SDK1: variants seen among roughly 807,000 people sequenced by gnomAD.
The protein encoded by SDK1 is sidekick cell adhesion molecule 1.
In SDK1, 157 loss-of-function variants were observed where a neutral mutation model predicts 245.5. The observed-to-expected ratio is 0.64, with a 90% CI of 0.56 to 0.73. SDK1 has a LOEUF of 0.73. SDK1 is among the 30% of genes least tolerant of loss of function. The pLI is 0.00. For missense variants in SDK1, 3,583 were observed against 3,002.3 expected (o/e 1.19, Z -4.52); for synonymous variants, 1,647 against 1,278.5 (o/e 1.29, Z -6.15).
At chr7:3,650,825 G>GT (rs55674495) in intron 4 of SDK1, among the ~76,000 whole-genome samples, 5,506 of 143,926 alleles carry the variant, frequency 0.038, 135 homozygotes, top group Middle Eastern at 0.087. Flanking sequence ...GTGGGGATTG[G>GT]TTTTTTTTTT....
At chr7:3,784,931 A>G (rs1780853284) in intron 4 of SDK1, among the ~76,000 whole-genome samples, 1 of 152,252 alleles carries the variant, frequency 6.6e-6, no homozygotes, top group Non-Finnish European at 1.5e-5. Context: ...TATTCACAGT[A>G]GCTGAGCTGT....
chr7:3,792,671 A>T (rs1486395539), intron 4 of SDK1, among the ~76,000 whole-genome samples: 1 of 137,912 alleles, frequency 7.3e-6, no homozygotes, highest in African/African-American at 2.8e-5. Context: ...TCTAACTACT[A>T]CCCCCTCCTC....
chr7:3,987,271 T>G lies in SDK1; in HGVS notation c.2080T>G (p.Phe694Val). 1 of 1,614,152 alleles carries G rather than the reference T, an allele frequency of 6.2e-7. No individual in the cohort carries two copies. Among genetic ancestry groups the G allele is most frequent in the South Asian group, 1.1e-5 (1 of 91,072 alleles). The change falls in exon 14 of 45, where the codon TTT (phenylalanine) becomes GTT (valine). Residue 694 changes from phenylalanine to valine, a missense_variant. Phe to Val is a conservative substitution (Grantham distance 50). Transcript: ENST00000404826. ...CGTGGTGCTCTCTTGGGTCCGGCCC[T>G]TTGATGGAAACAGTCCTATTCTTTA... Reference protein sequence around the residue: ...HAVVLSWVRPFDGNSPILYYI... With the variant: ...HAVVLSWVRPVDGNSPILYYI...
chr7:3,340,359 G>T (rs1780313830), intron 1 of SDK1, among the ~76,000 whole-genome samples: 1 of 152,172 alleles, frequency 6.6e-6, no homozygotes, highest in South Asian at 2.1e-4. Flanking sequence ...AGTAATTGTT[G>T]CTAGAAAATG....
At chr7:3,713,353 A>G (rs902009782) in intron 4 of SDK1, among the ~76,000 whole-genome samples, 3 of 152,206 alleles carry the variant, frequency 2.0e-5, no homozygotes, top group African/African-American at 7.2e-5. Context: ...CTATTCCTCA[A>G]GAAAAGAAAG....
chr7:3,642,176 A>G, intron 4 of SDK1, 71 bp downstream of exon 4: 2 of 1,450,234 alleles, frequency 1.4e-6, no homozygotes, highest in Non-Finnish European at 1.9e-6. Flanking sequence ...CTACACAGTA[A>G]GTGTACCAAT....
intron 32 of SDK1, among the ~76,000 whole-genome samples, chr7:4,169,421 C>T (rs975701156): frequency 6.6e-6 from 1 of 152,216 alleles, no homozygotes; most frequent in African/African-American, 2.4e-5. Context: ...AGTGGGGCTA[C>T]ACCAGGCACT....
chr7:3,966,296 G>C lies in SDK1; in HGVS notation c.1430-1022G>C, dbSNP rs371443630. Among the ~76,000 whole-genome samples, 11 of 152,276 alleles carry C rather than the reference G, an allele frequency of 7.2e-5. 1 individual carries two copies. In the East Asian group the frequency reaches 2.1e-3, roughly 29 times the overall value. On this transcript the variant is annotated intron_variant, in intron 9 of 44. Transcript: ENST00000404826. ...GCAGGTGCAGGCAGAGGCGGCGGCTGTGCCCTGGGTCCCGTGAGGTCTACT... is the reference window on the plus strand; with the variant it reads ...GCAGGTGCAGGCAGAGGCGGCGGCTCTGCCCTGGGTCCCGTGAGGTCTACT...
chr7:3,565,418 T>C (rs1426151970), intron 1 of SDK1, among the ~76,000 whole-genome samples: 1 of 152,224 alleles, frequency 6.6e-6, no homozygotes, highest in Non-Finnish European at 1.5e-5. Context: ...CTACTTAACA[T>C]AGCGTTTTCA....
chr7:3,354,753 A>G (rs1318834225), intron 1 of SDK1, among the ~76,000 whole-genome samples: 1 of 152,246 alleles, frequency 6.6e-6, no homozygotes, highest in Non-Finnish European at 1.5e-5. Flanking sequence ...CCTTATTACA[A>G]ATACATCCTG....
chr7:4,118,837 A>C (rs777467130), intron 25 of SDK1, among the ~76,000 whole-genome samples: 1 of 148,970 alleles, frequency 6.7e-6, no homozygotes, highest in Non-Finnish European at 1.5e-5. Context: ...GAGACCACAT[A>C]TTGTGTGATT....
chr7:3,666,612 G>C (rs563208059), intron 4 of SDK1, among the ~76,000 whole-genome samples: 8 of 152,258 alleles, frequency 5.3e-5, no homozygotes, highest in Admixed American at 2.6e-4. Context: ...AAGCTCCTGA[G>C]GACAGACACT....
intron 1 of SDK1, among the ~76,000 whole-genome samples, chr7:3,442,760 T>C (rs1050761894): frequency 4.6e-5 from 7 of 152,232 alleles, no homozygotes; most frequent in Admixed American, 3.3e-4. Context: ...ATTTTTCCTT[T>C]TTCCTTTTGT....
At chr7:3,637,053 C>CAGAGAG (rs10577617) in intron 2 of SDK1, among the ~76,000 whole-genome samples, 91 of 148,654 alleles carry the variant, frequency 6.1e-4, no homozygotes, top group African/African-American at 2.2e-3. Flanking sequence ...TTTCCTGATG[C>CAGAGAG]AGAGAGAGAG....
At chr7:3,643,510 T>C (rs2568526) in intron 4 of SDK1, 134,673 of 144,326 alleles carry the variant, frequency 0.93, 62,781 homozygotes, top group Admixed American at 0.96. Context: ...ACTGTGGAAT[T>C]CCTTCCGTAA....
At chr7:3,419,163 A>G (rs1246337733) in intron 1 of SDK1, among the ~76,000 whole-genome samples, 2 of 152,202 alleles carry the variant, frequency 1.3e-5, no homozygotes, top group African/African-American at 4.8e-5. Flanking sequence ...AACCTATTTA[A>G]TCTTTGCAGC....
At chr7:3,552,068 T>A (rs1398417277) in intron 1 of SDK1, among the ~76,000 whole-genome samples, 1 of 151,982 alleles carries the variant, frequency 6.6e-6, no homozygotes, top group African/African-American at 2.4e-5. Context: ...AGCCGGAGCC[T>A]CGCTCTGTCG....
At chr7:3,643,783 A>T (rs1205330811) in intron 4 of SDK1, 3 of 150,344 alleles carry the variant, frequency 2.0e-5, no homozygotes, top group East Asian at 3.9e-4. Flanking sequence ...CCACCTGAGC[A>T]TCTGTGGAAT....
chr7:3,454,879 T>C (rs1479368061), intron 1 of SDK1, among the ~76,000 whole-genome samples: 1 of 152,204 alleles, frequency 6.6e-6, no homozygotes, highest in Non-Finnish European at 1.5e-5. Flanking sequence ...TGTATAGTAA[T>C]TGTGTTCAGT....
Sources: allele counts gnomAD v4.1 joint callset (sites outside exome capture counted in the v4.1 genomes callset), GRCh38; gene constraint gnomAD v4.1.1; transcripts MANE v1.5; gene names NCBI Gene and HGNC (gene_info 2026-07-23, HGNC 2026-07-21).